Variants in FHOD3 observed in about 807,000 individuals in gnomAD.
The protein encoded by FHOD3 is formin homology 2 domain containing 3.
Under a neutral mutation model 173.0 loss-of-function variants are expected in FHOD3, and 90 were observed. That is an observed-to-expected ratio of 0.52 (90% CI 0.44 to 0.62). The LOEUF is 0.62. Among genes scored for constraint, FHOD3 ranks in the 20% least tolerant of loss-of-function variants. The pLI is 0.00. For missense variants in FHOD3, 1,945 were observed against 2,034.7 expected, an observed-to-expected ratio of 0.96 and a Z score of 0.85; for synonymous variants, 828 against 823.0, an observed-to-expected ratio of 1.01 and a Z score of -0.10.
chr18:36,688,965 C>A (rs561862297), intron 16 of FHOD3, among the ~76,000 whole-genome samples: 54 of 152,286 alleles, frequency 3.5e-4, no homozygotes, highest in African/African-American at 1.2e-3. Context: ...TCCCAGGCTG[C>A]CCATCAGCCT....
At chr18:36,349,412 A>C (rs910156459) in intron 1 of FHOD3, among the ~76,000 whole-genome samples, 1 of 152,214 alleles carries the variant, frequency 6.6e-6, no homozygotes, top group Non-Finnish European at 1.5e-5. Flanking sequence ...GAGGATGTGG[A>C]TGCAGGGATG....
intron 3 of FHOD3, among the ~76,000 whole-genome samples, chr18:36,398,765 T>C (rs540842081): frequency 1.3e-5 from 2 of 152,298 alleles, no homozygotes; most frequent in East Asian, 1.9e-4. Flanking sequence ...TTTACCAAAA[T>C]AGGTAAAAGT....
chr18:36,298,014 G>A lies in FHOD3; in HGVS notation c.165+14G>A. On this transcript the variant is annotated intron_variant, in intron 1 of 28. Coordinates refer to ENST00000590592, the MANE Select transcript of FHOD3 (RefSeq NM_001281740.3). ...GCGCCGCACAAGGTACGACCCGGCG[G>A]GGTGGGCTGGGCCCCCTGGACTCAG... is the stretch of plus-strand genomic sequence containing the variant. 1 of 1,517,740 alleles carries A rather than the reference G, an allele frequency of 6.6e-7. No homozygotes were observed. Among genetic ancestry groups the A allele is most frequent in the Non-Finnish European group, 8.8e-7 (1 of 1,133,464 alleles). The allele number at this position is 1,517,740 out of a possible 1,614,324, so 94.0% of individuals were successfully genotyped here.
chr18:36,298,380 G>C (rs2091862505), intron 1 of FHOD3, among the ~76,000 whole-genome samples: 2 of 152,206 alleles, frequency 1.3e-5, no homozygotes, highest in South Asian at 4.1e-4. Context: ...GCGGGGCGCG[G>C]GAAGAAGCGG....
Position 36,693,287 on chromosome 18 carries a change from C to T in FHOD3, c.2100C>T (p.Ala700=), listed in dbSNP as rs146170583. The stretch of plus-strand genomic sequence containing the variant: ...GCCGGAGTGTGAGCCGGGGCAGAGC[C>T]GACCTCTCCTTGGACCTGACCTCGC... ...LRSRSVSRGR[A]DLSLDLTSPA... is the part of the protein sequence containing the mutation. Residue 700 remains alanine (A), a synonymous_variant, in exon 17 of 29, where the codon GCC becomes GCT. Transcript: ENST00000590592. The T allele has an allele frequency of 1.2e-3, 1,898 of 1,613,780 alleles. 31 individuals carry two copies. The African/African-American group carries it at 0.022, about 19-fold the overall frequency.
chr18:36,703,887 C>G (rs1568635083), intron 17 of FHOD3, among the ~76,000 whole-genome samples: 1 of 152,188 alleles, frequency 6.6e-6, no homozygotes, highest in Admixed American at 6.5e-5. Flanking sequence ...TTTCTCCCCC[C>G]TTCCATGGGT....
In FHOD3 at chr18:36,524,576, C is replaced by T. The variant is rs529023829; in HGVS notation, c.511+12033C>T. Among the ~76,000 whole-genome samples, 28 of 152,262 alleles carry T rather than the reference C, an allele frequency of 1.8e-4. No homozygotes were observed. The East Asian group carries it at 5.0e-3, about 27-fold the overall frequency. On this transcript the variant is annotated intron_variant, in intron 5 of 28. Transcript: ENST00000590592. Reference sequence around the variant, plus strand: ...GAGGAGAGTGCGCACAGGCAGCCCACCCTTGCTTTGCTGATTCACTGGCTT... The same window carrying T: ...GAGGAGAGTGCGCACAGGCAGCCCATCCTTGCTTTGCTGATTCACTGGCTT...
At chr18:36,720,736 C>T (rs2040726217) in intron 19 of FHOD3, among the ~76,000 whole-genome samples, 2 of 40,050 alleles carry the variant, frequency 5.0e-5, no homozygotes, top group African/African-American at 2.3e-4. Context: ...CCTTCTTCTT[C>T]TCCTCCTCCT....
chr18:36,630,276 AAC>A (rs2034418640), intron 10 of FHOD3, among the ~76,000 whole-genome samples: 1 of 152,230 alleles, frequency 6.6e-6, no homozygotes, highest in Non-Finnish European at 1.5e-5. Context: ...GCATTTTACA[AAC>A]AAATGTCATG....
At chr18:36,441,155 C>T (rs2051123431) in intron 3 of FHOD3, among the ~76,000 whole-genome samples, 1 of 151,990 alleles carries the variant, frequency 6.6e-6, no homozygotes, top group Admixed American at 6.6e-5. Context: ...GAATATTGCC[C>T]AGCAAGCAGG....
At chr18:36,761,556 C>T (rs1306391365) in intron 27 of FHOD3, among the ~76,000 whole-genome samples, 1 of 152,136 alleles carries the variant, frequency 6.6e-6, no homozygotes, top group Non-Finnish European at 1.5e-5. Context: ...CACCGCGGCG[C>T]TTCTCCGCAC....
At chr18:36,603,080 C>A (rs2031607942) in intron 8 of FHOD3, among the ~76,000 whole-genome samples, 1 of 152,194 alleles carries the variant, frequency 6.6e-6, no homozygotes, top group Admixed American at 6.5e-5. Context: ...AGACAGACTT[C>A]CTGTAGAGCC....
At chr18:36,620,837 A>G (rs1048396503) in intron 9 of FHOD3, among the ~76,000 whole-genome samples, 2 of 152,242 alleles carry the variant, frequency 1.3e-5, no homozygotes, top group Non-Finnish European at 2.9e-5. Context: ...AAATATATTC[A>G]TTGCCAAAAG....
At chr18:36,310,044 G>A (rs565252038) in intron 1 of FHOD3, among the ~76,000 whole-genome samples, 78 of 152,286 alleles carry the variant, frequency 5.1e-4, no homozygotes, top group East Asian at 2.3e-3. Context: ...CTGTTGTTCC[G>A]CCTGGCTCCC....
chr18:36,550,078 T>C (rs985761780), intron 5 of FHOD3, among the ~76,000 whole-genome samples: 4 of 151,770 alleles, frequency 2.6e-5, no homozygotes, highest in African/African-American at 9.7e-5. Context: ...CTTCTATCTT[T>C]TATTAGCGAA....
intron 3 of FHOD3, among the ~76,000 whole-genome samples, chr18:36,386,630 C>T (rs990822242): frequency 3.9e-5 from 6 of 152,106 alleles, no homozygotes; most frequent in African/African-American, 1.4e-4. Context: ...TGAGATGGTG[C>T]ACAAATTGCC....
intron 9 of FHOD3, among the ~76,000 whole-genome samples, chr18:36,620,745 A>G (rs1176611133): frequency 3.3e-5 from 5 of 152,192 alleles, no homozygotes; most frequent in Non-Finnish European, 5.9e-5. Context: ...CTGTGTAATA[A>G]CTCAAGCTGT....
intron 17 of FHOD3, among the ~76,000 whole-genome samples, chr18:36,702,807 T>A (rs528715572): frequency 1.3e-5 from 2 of 152,284 alleles, no homozygotes; most frequent in South Asian, 4.1e-4. Flanking sequence ...CTGCCCACTG[T>A]GTGTGTGTGC....
chr18:36,584,617 A>AT (rs1377635682), intron 6 of FHOD3, among the ~76,000 whole-genome samples: 9 of 152,120 alleles, frequency 5.9e-5, no homozygotes, highest in Non-Finnish European at 7.3e-5. Flanking sequence ...ATTAAGACTA[A>AT]TTTTTTTATA....
Sources: allele counts gnomAD v4.1 joint callset (sites outside exome capture counted in the v4.1 genomes callset), GRCh38; gene constraint gnomAD v4.1.1; transcripts MANE v1.5; gene names NCBI Gene and HGNC (gene_info 2026-07-23, HGNC 2026-07-21).